Variants in OTOA observed in about 807,000 individuals in gnomAD.
The protein encoded by OTOA is otoancorin, also known as cancer/testis antigen 108.
OTOA carries 70 observed loss-of-function variants against 110.8 expected under a neutral mutation model. The observed-to-expected ratio is 0.63, with a 90% CI of 0.52 to 0.77. The LOEUF (loss-of-function observed/expected upper bound fraction) is 0.77, where lower values mean the gene tolerates loss of function less well. Among genes scored for constraint, OTOA ranks in the 30% least tolerant of loss-of-function variants. The pLI is 0.00. For synonymous variants in OTOA, 373 were observed against 431.5 expected (o/e 0.86, Z 1.68); for missense variants, 917 against 1,075.8 (o/e 0.85, Z 2.06).
At chr16:21,667,691 C>CT (rs1449758519) in intron 1 of OTOA, among the ~76,000 whole-genome samples, 6 of 151,970 alleles carry the variant, frequency 3.9e-5, no homozygotes, top group African/African-American at 7.3e-5. Flanking sequence ...ATATTTTGAG[C>CT]TTTGGAGGCC....
rs185528812 is a variant in OTOA at position 21,685,468 on chromosome 16, T to G, written c.399+107T>G. ...TTAGGCCTTGGCACTTCATTGTCTC[T>G]TCCTCTCTCCTTCTGCCTCCTCCAA... On this transcript the variant is annotated intron_variant, in intron 7 of 28. Transcript: ENST00000646100. 4 of 1,487,518 alleles carry G rather than the reference T, an allele frequency of 2.7e-6. No individual in the cohort carries two copies. In the African/African-American group the frequency reaches 5.5e-5, roughly 21 times the overall value. The allele number at this position is 1,487,518 out of a possible 1,614,324, so 92.1% of individuals were successfully genotyped here. A position where few individuals can be genotyped will look rare whatever the true frequency, so the allele number is the denominator to read the frequency against.
chr16:21,728,691 C>A (rs1223874329), intron 20 of OTOA, among the ~76,000 whole-genome samples: 1 of 151,404 alleles, frequency 6.6e-6, no homozygotes, highest in Non-Finnish European at 1.5e-5. Context: ...CTGGTTCAAG[C>A]GATTCTCCTG....
intron 1 of OTOA, among the ~76,000 whole-genome samples, chr16:21,669,805 A>C (rs1209712128): frequency 6.6e-6 from 1 of 152,164 alleles, no homozygotes; most frequent in Non-Finnish European, 1.5e-5. Context: ...TTCTCAACAC[A>C]GCAATCAATG....
At chr16:21,729,415 C>T (rs547318431) in intron 20 of OTOA, among the ~76,000 whole-genome samples, 29 of 152,096 alleles carry the variant, frequency 1.9e-4, no homozygotes, top group Non-Finnish European at 3.4e-4. Context: ...TCTCTGACCC[C>T]GTACACGCAT....
chr16:21,671,306 G>A (rs192685653), intron 1 of OTOA, among the ~76,000 whole-genome samples: 1 of 152,082 alleles, frequency 6.6e-6, no homozygotes, highest in Admixed American at 6.5e-5. Flanking sequence ...CTCGTCCAAG[G>A]CCGGGCTCAG....
intron 9 of OTOA, among the ~76,000 whole-genome samples, chr16:21,696,652 C>T (rs1897946566): frequency 6.6e-6 from 1 of 151,920 alleles, no homozygotes; most frequent in Non-Finnish European, 1.5e-5. Flanking sequence ...TCACTGCCAC[C>T]TCCACCTCCC....
chr16:21,724,018 A>G (rs946129963), intron 18 of OTOA, among the ~76,000 whole-genome samples: 33 of 152,282 alleles, frequency 2.2e-4, no homozygotes, highest in Middle Eastern at 3.4e-3. Flanking sequence ...GAGAGAAACC[A>G]CAAGGACTTA....
chr16:21,689,960 A>G (rs1897795648), intron 8 of OTOA, among the ~76,000 whole-genome samples: 1 of 152,162 alleles, frequency 6.6e-6, no homozygotes, highest in Admixed American at 6.6e-5. Context: ...TGCTGGGATT[A>G]CAGGTGTGAG....
At position 21,746,822 on chromosome 16, in the gene OTOA, GAA is replaced by G. The variant is rs1899634841; in HGVS notation, c.2775+1790_2775+1791del. On this transcript the variant is annotated intron_variant, in intron 24 of 28. Transcript: ENST00000646100. Reference sequence around the variant, plus strand: ...AGCTAATGGAGGGTAATTTTCCAAAGAAAAAGTGTGGACGCTGAGCAGCCAAA... The same window carrying G: ...AGCTAATGGAGGGTAATTTTCCAAAGAAAGTGTGGACGCTGAGCAGCCAAA... Among the ~76,000 whole-genome samples the G allele has an allele frequency of 2.0e-5, 3 of 146,498 alleles. No individual in the cohort carries two copies. In the Admixed American group the frequency reaches 2.1e-4, roughly 10 times the overall value.
chr16:21,753,389 T>G (rs1899894266), intron 27 of OTOA, among the ~76,000 whole-genome samples: 1 of 73,452 alleles, frequency 1.4e-5, no homozygotes, highest in Admixed American at 1.7e-4. Context: ...TATGACAGGT[T>G]CATAAACCCT....
chr16:21,758,293 T>C (rs925768468), intron 28 of OTOA, among the ~76,000 whole-genome samples: 7 of 151,414 alleles, frequency 4.6e-5, no homozygotes, highest in African/African-American at 1.7e-4. Context: ...ACAGAGATGT[T>C]CCCTGCCCTC....
chr16:21,678,119 C>CA (rs767699095), intron 1 of OTOA, among the ~76,000 whole-genome samples: 5 of 151,994 alleles, frequency 3.3e-5, no homozygotes, highest in Non-Finnish European at 5.9e-5. Flanking sequence ...CTCCTGACCT[C>CA]AAGAGATCCA....
chr16:21,730,920 TAGC>T lies in OTOA; in HGVS notation c.2292_2294del (p.Ala765del), dbSNP rs1436551364. The T allele has an allele frequency of 1.0e-4, 154 of 1,501,966 alleles. 2 individuals carry two copies. The highest frequency in any genetic ancestry group is 1.4e-4 in the Non-Finnish European group (151 of 1,083,040). 93.0% of individuals were successfully genotyped at this position (1,501,966 alleles called of 1,614,324 possible). ...TTCTCAGGAGATGAATTAAGCTCTA[TAGC>T]CACAAAGGTAATGTTGTGCTCCATC... is the stretch of plus-strand genomic sequence containing the variant. On this transcript the variant is annotated inframe_deletion, in exon 21 of 29. Transcript: ENST00000646100.
At chr16:21,671,865 G>C (rs1307120261) in intron 1 of OTOA, among the ~76,000 whole-genome samples, 1 of 152,108 alleles carries the variant, frequency 6.6e-6, no homozygotes, top group Non-Finnish European at 1.5e-5. Flanking sequence ...GGGTGCAATG[G>C]CATCCACCTG....
intron 1 of OTOA, among the ~76,000 whole-genome samples, chr16:21,665,387 A>G (rs1404564171): frequency 1.3e-5 from 2 of 152,178 alleles, no homozygotes; most frequent in African/African-American, 2.4e-5. Context: ...ATTCTACAAG[A>G]ATTAAGCGAG....
chr16:21,715,950 C>G (rs993971019), intron 14 of OTOA, among the ~76,000 whole-genome samples: 4 of 152,210 alleles, frequency 2.6e-5, no homozygotes, highest in South Asian at 2.1e-4. Flanking sequence ...TGCTCTATTA[C>G]CCCAGCCAGC....
intron 9 of OTOA, among the ~76,000 whole-genome samples, chr16:21,694,060 C>A (rs1037138523): frequency 6.6e-6 from 1 of 152,128 alleles, no homozygotes; most frequent in African/African-American, 2.4e-5. Context: ...CCCAGTAAAG[C>A]TTTACTAATG....
At position 21,736,256 on chromosome 16, in the gene OTOA, C is replaced by T. The variant is rs371443993; in HGVS notation, c.2302-5C>T. 1.8e-5 allele frequency: 29 copies of T among 1,611,246 alleles called. No individual in the cohort carries two copies. Among genetic ancestry groups the T allele is most frequent in the Non-Finnish European group, 2.4e-5 (28 of 1,177,610 alleles). On this transcript the variant is annotated splice_polypyrimidine_tract_variant and splice_region_variant and intron_variant, in intron 21 of 28. Transcript: ENST00000646100. ...ATTCCTCTTCTTTCATCTTCTTTCA[C>T]ACAGTTTCCTGAGATCCTTCTGCAA...
intron 8 of OTOA, among the ~76,000 whole-genome samples, chr16:21,691,266 C>T (rs1241056533): frequency 6.6e-6 from 1 of 152,076 alleles, no homozygotes; most frequent in African/African-American, 2.4e-5. Flanking sequence ...AATAGTGCCA[C>T]AATAAACATA....
Sources: allele counts gnomAD v4.1 joint callset (sites outside exome capture counted in the v4.1 genomes callset), GRCh38; gene constraint gnomAD v4.1.1; transcripts MANE v1.5; gene names NCBI Gene and HGNC (gene_info 2026-07-23, HGNC 2026-07-21).